The following ZSCAN25 variants were observed in gnomAD, a reference collection of about 807,000 sequenced individuals.
ZSCAN25 encodes zinc finger and SCAN domain containing 25.
In ZSCAN25, 27 loss-of-function variants were observed where a neutral mutation model predicts 38.7. The ratio of observed to expected loss-of-function variants is 0.70; its 90% confidence interval spans 0.51 to 0.96. The LOEUF is 0.96. Ranked by LOEUF, ZSCAN25 falls within the 40% of genes least tolerant of loss-of-function variation. ZSCAN25 has a pLI of 0.00. For missense variants in ZSCAN25, 637 were observed against 705.9 expected (o/e 0.90, Z 1.11); for synonymous variants, 273 against 277.7 (o/e 0.98, Z 0.17).
Position 99,631,526 on chromosome 7 carries a change from G to A in ZSCAN25, c.*1506G>A. The A allele has an allele frequency of 1.0e-6, 1 of 985,524 alleles. No homozygotes were observed. The highest frequency in any genetic ancestry group is 1.2e-6 in the Non-Finnish European group (1 of 829,940). 61.0% of individuals were successfully genotyped at this position (985,524 alleles called of 1,614,324 possible). Reference sequence around the variant, plus strand: ...TGCTGTGCCTTTGAACCCTGGCTGAGTGAGTGAGTTTGTCCTTTGTTGATA... The same window carrying A: ...TGCTGTGCCTTTGAACCCTGGCTGAATGAGTGAGTTTGTCCTTTGTTGATA... On this transcript the variant is annotated 3_prime_UTR_variant, in exon 8 of 8. Transcript: ENST00000394152.
At chr7:99,685,142 A>G in the ZSCAN25 span, 1 of 1,590,002 alleles carries the variant, frequency 6.3e-7, no homozygotes, top group Admixed American at 1.7e-5. Context: ...AGGGAAATTC[A>G]GGTTCCACTT....
intron 1 of ZSCAN25, 48 bp downstream of exon 1, chr7:99,617,064 C>A (rs1003733678): frequency 2.6e-5 from 4 of 152,178 alleles, no homozygotes; most frequent in African/African-American, 7.2e-5. Flanking sequence ...AAGTGGTAAA[C>A]GGGCGCGGGG....
chr7:99,624,073 A>G lies in ZSCAN25; in HGVS notation c.698A>G (p.Lys233Arg), dbSNP rs1807242953. The G allele has an allele frequency of 6.2e-7, 1 of 1,614,024 alleles. No individual in the cohort carries two copies. Among genetic ancestry groups the G allele is most frequent in the Non-Finnish European group, 8.5e-7 (1 of 1,180,040 alleles). ...TTGTTGCAGGGGTTGGGGCCATTTA[A>G]AGATATGGCCCTGGCCTTCCCTGAG... ...TAGSQGLGPF[K>R]DMALAFPEEE... Residue 233 changes from lysine to arginine, a missense_variant, in exon 7 of 8, where the codon AAA becomes AGA. Coordinates refer to ENST00000394152, the MANE Select transcript of ZSCAN25 (RefSeq NM_145115.3).
At chr7:99,620,358 G>A (rs1371813610) in intron 4 of ZSCAN25, 1 of 210,134 alleles carries the variant, frequency 4.8e-6, no homozygotes, top group Non-Finnish European at 9.5e-6. Context: ...ATCCCACCTG[G>A]GGAATATTTT....
the ZSCAN25 span, among the ~76,000 whole-genome samples, chr7:99,696,369 C>A: frequency 6.6e-6 from 1 of 152,056 alleles, no homozygotes; most frequent in African/African-American, 2.4e-5. Flanking sequence ...ACTTTCCTTT[C>A]CCTCTAAGCT....
chr7:99,632,986 G>GTTTTTTTTTT (rs201141594), downstream of ZSCAN25, among the ~76,000 whole-genome samples: 10 of 141,472 alleles, frequency 7.1e-5, no homozygotes, highest in South Asian at 4.8e-4. Flanking sequence ...TGCATTTTCT[G>GTTTTTTTTTT]TTGTTTTTTT....
the ZSCAN25 span, among the ~76,000 whole-genome samples, chr7:99,712,513 A>G: frequency 3.9e-5 from 6 of 152,226 alleles, no homozygotes; most frequent in Admixed American, 2.0e-4. Context: ...CTCAATAGCT[A>G]TATGTGTCTA....
chr7:99,720,520 G>T, the ZSCAN25 span: 1 of 1,197,108 alleles, frequency 8.4e-7, no homozygotes, highest in Non-Finnish European at 1.2e-6. Flanking sequence ...TCCTCTAGAT[G>T]TACAATACAC....
chr7:99,717,556 A>G, the ZSCAN25 span: 1 of 1,613,760 alleles, frequency 6.2e-7, no homozygotes, highest in Non-Finnish European at 8.5e-7. Flanking sequence ...TGAATGTTGG[A>G]GACAGCAATG....
At chr7:99,704,057 G>T in the ZSCAN25 span, among the ~76,000 whole-genome samples, 2 of 152,096 alleles carry the variant, frequency 1.3e-5, no homozygotes, top group Non-Finnish European at 2.9e-5. Context: ...GAAAAGAAAA[G>T]AAATGAGTAG....
At chr7:99,662,932 A>G in the ZSCAN25 span, 1 of 1,609,646 alleles carries the variant, frequency 6.2e-7, no homozygotes, top group East Asian at 2.2e-5. The surrounding 1 kb of genome is among the most constrained non-coding windows in gnomAD (Gnocchi z 4.3). Flanking sequence ...TCGTGAAGTC[A>G]GAAGTAAATC....
chr7:99,619,810 T>A lies in ZSCAN25; in HGVS notation c.204T>A (p.Arg68=). 6.2e-7 allele frequency: 1 copy of A among 1,614,230 alleles called. No homozygotes were observed. Among genetic ancestry groups the A allele is most frequent in the Non-Finnish European group, 8.5e-7 (1 of 1,180,036 alleles). ...TTAGGGAGCTCCAGGAGCTCTGTCG[T>A]CGGTGGCTGAGGCCCGAGTTGCACA... ...EALRELQELC[R]RWLRPELHTK... The change falls in exon 4 of 8, where the codon CGT becomes CGA. Residue 68 remains arginine, a synonymous_variant. Transcript: ENST00000394152.
chr7:99,647,228 G>A, the ZSCAN25 span, among the ~76,000 whole-genome samples: 4 of 152,258 alleles, frequency 2.6e-5, no homozygotes, highest in African/African-American at 9.6e-5. Context: ...GATTGCTTGG[G>A]CTCCCGCTTC....
At chr7:99,620,296 C>T (rs1219083695) in intron 4 of ZSCAN25, 4 of 339,952 alleles carry the variant, frequency 1.2e-5, no homozygotes, top group Admixed American at 9.0e-5. Flanking sequence ...TTTTGGGGTC[C>T]CTCATAGACC....
At chr7:99,641,359 C>T in the ZSCAN25 span, among the ~76,000 whole-genome samples, 2 of 152,154 alleles carry the variant, frequency 1.3e-5, no homozygotes, top group African/African-American at 4.8e-5. Flanking sequence ...ATGAGAACAG[C>T]ATGCGGGTAA....
chr7:99,700,667 C>T, the ZSCAN25 span, among the ~76,000 whole-genome samples: 1 of 152,126 alleles, frequency 6.6e-6, no homozygotes, highest in Non-Finnish European at 1.5e-5. Context: ...GCCTGTTTCC[C>T]TTAGCAGAGG....
the ZSCAN25 span, chr7:99,638,742 G>C: frequency 8.5e-7 from 1 of 1,171,376 alleles, no homozygotes; most frequent in African/African-American, 1.5e-5. Flanking sequence ...TGTTCCCGAA[G>C]ATTTTGCATA....
the ZSCAN25 span, chr7:99,663,210 G>A: frequency 9.2e-7 from 1 of 1,083,050 alleles, no homozygotes; most frequent in South Asian, 3.0e-5. Flanking sequence ...TGCTTACCCA[G>A]GAAGAAGTAC....
chr7:99,702,971 A>C, the ZSCAN25 span, among the ~76,000 whole-genome samples: 1 of 152,110 alleles, frequency 6.6e-6, no homozygotes, highest in South Asian at 2.1e-4. Context: ...TCTTTGATTA[A>C]GTTAATTCTT....
Sources: allele counts gnomAD v4.1 joint callset (sites outside exome capture counted in the v4.1 genomes callset), GRCh38; gene constraint gnomAD v4.1.1; non-coding constraint Gnocchi (gnomAD v3.1); transcripts MANE v1.5; gene names NCBI Gene and HGNC (gene_info 2026-07-23, HGNC 2026-07-21).